The following SLC16A12 variants were observed in gnomAD, a reference collection of about 807,000 sequenced individuals.
SLC16A12 encodes the protein solute carrier family 16 member 12.
A neutral mutation model predicts 42.4 loss-of-function variants in SLC16A12; 17 were observed. The observed-to-expected ratio is 0.40, with a 90% CI of 0.27 to 0.60. The LOEUF is 0.60. Ranked by LOEUF, SLC16A12 falls within the 20% of genes least tolerant of loss-of-function variation. SLC16A12 has a pLI of 0.42. For synonymous variants in SLC16A12, 224 were observed against 229.4 expected (o/e 0.98, Z 0.21); for missense variants, 544 against 623.0 (o/e 0.87, Z 1.35).
intron 2 of SLC16A12, among the ~76,000 whole-genome samples, chr10:89,520,014 G>A (rs1843327214): frequency 6.6e-6 from 1 of 151,472 alleles, no homozygotes; most frequent in Non-Finnish European, 1.5e-5. Flanking sequence ...TCGGGAGGCT[G>A]AGGCAAGAGA....
chr10:89,494,230 G>T (rs541270383), intron 2 of SLC16A12, among the ~76,000 whole-genome samples: 5 of 152,266 alleles, frequency 3.3e-5, no homozygotes, highest in Admixed American at 2.6e-4. Context: ...TAATAAAAAC[G>T]TGCTTTATTT....
In SLC16A12 at chr10:89,441,148, C is replaced by T. The variant is rs748624733; in HGVS notation, c.408G>A (p.Thr136=). ...GAGTGAGGTAGAGATGCTTCAGACT[C>T]GTGGCAAATGAGCTCAGGATGAGTC... is the stretch of plus-strand genomic sequence containing the variant. ...STGLILSSFA[T]SLKHLYLTLG... is the part of the protein sequence containing the mutation. Residue 136 remains threonine (T), a synonymous_variant, in exon 5 of 8, where the codon ACG becomes ACA. Coordinates refer to ENST00000371790, the MANE Select transcript of SLC16A12 (RefSeq NM_213606.4). The T allele has an allele frequency of 3.7e-6, 6 of 1,613,908 alleles. No individual in the cohort carries two copies. Among genetic ancestry groups the T allele is most frequent in the Admixed American group, 1.7e-5 (1 of 60,006 alleles).
At chr10:89,503,333 G>A (rs78107726) in intron 2 of SLC16A12, among the ~76,000 whole-genome samples, 2,183 of 152,176 alleles carry the variant, frequency 0.014, 24 homozygotes, top group Non-Finnish European at 0.022. Flanking sequence ...ACTTTAATAG[G>A]AAAACCCACA....
At chr10:89,523,985 C>T (rs899867620) in intron 2 of SLC16A12, among the ~76,000 whole-genome samples, 1 of 152,212 alleles carries the variant, frequency 6.6e-6, no homozygotes, top group African/African-American at 2.4e-5. Context: ...TTTCATACCT[C>T]ACTCTTTCCC....
rs1841958476 is a variant in SLC16A12 at position 89,444,016 on chromosome 10, A to G, written c.201-157T>C. ...AAATCAGAAGCTGACCATTTGGGCC[A>G]TGCTGGATAACAAGAAGAACAAGTG... On this transcript the variant is annotated intron_variant, in intron 3 of 7. Transcript: ENST00000371790. Among the ~76,000 whole-genome samples, 3 of 152,252 alleles carry G rather than the reference A, an allele frequency of 2.0e-5. No homozygotes were observed. The South Asian group carries it at 6.2e-4, about 31-fold the overall frequency.
intron 3 of SLC16A12, chr10:89,456,215 T>TA (rs1842187003): frequency 6.6e-6 from 1 of 152,194 alleles, no homozygotes; most frequent in African/African-American, 2.4e-5. Context: ...ATTTAATCCA[T>TA]AAAAAATGCT....
Position 89,501,281 on chromosome 10 carries a change from C to T in SLC16A12, c.-47+33220G>A, listed in dbSNP as rs574141552. ...TGCCCATCAAAATACCACCATTATT[C>T]TTCACAGAATTAGAAAAATAATTCT... On this transcript the variant is annotated intron_variant, in intron 2 of 7. Transcript: ENST00000371790. Among the ~76,000 whole-genome samples, 3 of 152,288 alleles carry T rather than the reference C, an allele frequency of 2.0e-5. No homozygotes were observed. In the East Asian group the frequency reaches 5.8e-4, roughly 29 times the overall value.
At position 89,433,028 on chromosome 10, in the gene SLC16A12, C is replaced by A; in HGVS notation, c.*36G>T. ...TGAAGAATCTGGTGGCCCCACCTCT[C>A]TCAAACCTGAAGATTCTGGGGCTCA... is the stretch of plus-strand genomic sequence containing the variant. On this transcript the variant is annotated 3_prime_UTR_variant, in exon 8 of 8. Coordinates refer to ENST00000371790, the MANE Select transcript of SLC16A12 (RefSeq NM_213606.4). 1 of 1,613,110 alleles carries A rather than the reference C, an allele frequency of 6.2e-7. No individual in the cohort carries two copies. Among genetic ancestry groups the A allele is most frequent in the South Asian group, 1.1e-5 (1 of 90,746 alleles).
At chr10:89,495,152 A>C (rs899326936) in intron 2 of SLC16A12, among the ~76,000 whole-genome samples, 1 of 152,124 alleles carries the variant, frequency 6.6e-6, no homozygotes, top group Admixed American at 6.5e-5. Context: ...GGAGTTTGAG[A>C]GCAGCCTGGC....
chr10:89,466,826 G>C (rs1346911387), intron 2 of SLC16A12, among the ~76,000 whole-genome samples: 2 of 152,154 alleles, frequency 1.3e-5, no homozygotes, highest in Non-Finnish European at 2.9e-5. Flanking sequence ...TCACCTGCCA[G>C]GCCCCTGGGG....
At chr10:89,453,937 A>G (rs149285075) in intron 3 of SLC16A12, among the ~76,000 whole-genome samples, 54 of 152,110 alleles carry the variant, frequency 3.6e-4, no homozygotes, top group African/African-American at 1.3e-3. Context: ...CCCGAGAACC[A>G]CTGACCTACT....
chr10:89,554,052 GAA>G (rs1179776099), intron 2 of SLC16A12, among the ~76,000 whole-genome samples: 1 of 66,672 alleles, frequency 1.5e-5, no homozygotes, highest in African/African-American at 6.4e-5. Context: ...AAGAAAGAAA[GAA>G]AGAAAGAAAG....
intron 2 of SLC16A12, among the ~76,000 whole-genome samples, chr10:89,510,964 C>T (rs1048873115): frequency 6.6e-6 from 1 of 152,092 alleles, no homozygotes; most frequent in Non-Finnish European, 1.5e-5. Context: ...ATGCAGCCAA[C>T]AAACTTATAA....
intron 2 of SLC16A12, among the ~76,000 whole-genome samples, chr10:89,555,558 T>C (rs1843807551): frequency 6.9e-6 from 1 of 145,768 alleles, no homozygotes; most frequent in African/African-American, 2.5e-5. Context: ...TACGTATATA[T>C]ACATATACGT....
chr10:89,508,780 T>C (rs1434022197), intron 2 of SLC16A12, among the ~76,000 whole-genome samples: 1 of 152,026 alleles, frequency 6.6e-6, no homozygotes, highest in Non-Finnish European at 1.5e-5. Flanking sequence ...AAAAAATCAA[T>C]GAATGCAGGA....
intron 2 of SLC16A12, among the ~76,000 whole-genome samples, chr10:89,473,309 A>G (rs1213859292): frequency 1.3e-5 from 2 of 152,230 alleles, no homozygotes; most frequent in African/African-American, 4.8e-5. Flanking sequence ...GGCACATTAT[A>G]TTAGTGGAAC....
chr10:89,511,891 C>T (rs2133839783), intron 2 of SLC16A12, among the ~76,000 whole-genome samples: 1 of 152,190 alleles, frequency 6.6e-6, no homozygotes, highest in Non-Finnish European at 1.5e-5. Context: ...TTAACAATAG[C>T]CCCAAAGAGG....
intron 2 of SLC16A12, among the ~76,000 whole-genome samples, chr10:89,502,921 T>C (rs1843008920): frequency 6.6e-6 from 1 of 152,224 alleles, no homozygotes. Flanking sequence ...TGAGCAATGG[T>C]GATCAGCAAA....
chr10:89,498,268 G>A (rs1017847767), intron 2 of SLC16A12, among the ~76,000 whole-genome samples: 1 of 152,152 alleles, frequency 6.6e-6, no homozygotes, highest in Non-Finnish European at 1.5e-5. Flanking sequence ...GAAGGTCAAG[G>A]CTGTGGTGAG....
Sources: gnomAD v4.1 joint callset for allele counts (sites outside exome capture counted in the v4.1 genomes callset) on GRCh38, gnomAD v4.1.1 for gene constraint, MANE v1.5 for transcripts, NCBI Gene and HGNC (gene_info 2026-07-23, HGNC 2026-07-21) for gene names.